SGCD: variants seen among roughly 807,000 people sequenced by gnomAD.
SGCD encodes delta-sarcoglycan.
In SGCD, 18 loss-of-function variants were observed where a neutral mutation model predicts 36.6. That is an observed-to-expected ratio of 0.49 (90% confidence interval 0.34 to 0.73). The LOEUF is 0.73. Ranked by LOEUF, SGCD falls within the 30% of genes least tolerant of loss-of-function variation. The pLI is 0.01. For synonymous variants in SGCD, 133 were observed against 130.6 expected, an observed-to-expected ratio of 1.02 and a Z score of -0.12; for missense variants, 387 against 346.7, an observed-to-expected ratio of 1.12 and a Z score of -0.92.
chr5:156,383,731 C>T (rs1355874938), intron 3 of SGCD, among the ~76,000 whole-genome samples: 2 of 152,120 alleles, frequency 1.3e-5, no homozygotes, highest in Admixed American at 6.6e-5. Flanking sequence ...CCTTGGCTAT[C>T]TCTTCACATT....
intron 1 of SGCD, among the ~76,000 whole-genome samples, chr5:156,002,524 A>G (rs924851420): frequency 4.6e-5 from 7 of 152,192 alleles, no homozygotes; most frequent in Non-Finnish European, 8.8e-5. Flanking sequence ...CACCTCTTAC[A>G]TTCAGTCCCT....
chr5:156,140,088 G>A (rs1035169279), intron 3 of SGCD, among the ~76,000 whole-genome samples: 12 of 152,176 alleles, frequency 7.9e-5, no homozygotes, highest in African/African-American at 2.7e-4. Context: ...TCAGTCTTCA[G>A]AACTGTCAGA....
At chr5:156,038,827 A>C (rs940788907) in intron 1 of SGCD, among the ~76,000 whole-genome samples, 7 of 152,172 alleles carry the variant, frequency 4.6e-5, no homozygotes, top group African/African-American at 1.4e-4. Context: ...CATACCACAC[A>C]TTGAGGCTGT....
At chr5:156,750,393 T>C (rs1035071340) in intron 7 of SGCD, among the ~76,000 whole-genome samples, 3 of 152,080 alleles carry the variant, frequency 2.0e-5, no homozygotes, top group African/African-American at 7.2e-5. Context: ...AGAATTAGTA[T>C]AAGAAATGAC....
the SGCD span, among the ~76,000 whole-genome samples, chr5:155,779,421 G>A: frequency 1.3e-5 from 2 of 152,030 alleles, no homozygotes; most frequent in Non-Finnish European, 2.9e-5. Context: ...CTGGGTGATG[G>A]AGCGATACGC....
intron 1 of SGCD, among the ~76,000 whole-genome samples, chr5:156,047,298 C>T (rs142762197): frequency 1.6e-4 from 25 of 152,204 alleles, no homozygotes; most frequent in African/African-American, 5.8e-4. Context: ...GCAAGATCAT[C>T]GATGAAGGTG....
chr5:155,934,297 C>A (rs920375090), intron 1 of SGCD, among the ~76,000 whole-genome samples: 1 of 152,184 alleles, frequency 6.6e-6, no homozygotes, highest in Admixed American at 6.5e-5. Context: ...TGATGAGCAG[C>A]AAGCCGTGAA....
chr5:155,923,483 A>G (rs938162525), intron 1 of SGCD, among the ~76,000 whole-genome samples: 1 of 152,226 alleles, frequency 6.6e-6, no homozygotes, highest in Non-Finnish European at 1.5e-5. Flanking sequence ...GGAAAATGGC[A>G]AAGATGAACG....
intron 1 of SGCD, among the ~76,000 whole-genome samples, chr5:156,073,474 G>T (rs1044007971): frequency 6.6e-6 from 1 of 152,200 alleles, no homozygotes; most frequent in Non-Finnish European, 1.5e-5. Flanking sequence ...GAGATAGGAA[G>T]ATTGCGTGAG....
the SGCD span, among the ~76,000 whole-genome samples, chr5:155,811,056 A>G: frequency 6.6e-6 from 1 of 151,314 alleles, no homozygotes; most frequent in East Asian, 1.9e-4. Context: ...TGACCTCGTG[A>G]TCCGCCCGCC....
the SGCD span, among the ~76,000 whole-genome samples, chr5:155,820,433 G>T: frequency 1.3e-5 from 2 of 152,052 alleles, no homozygotes; most frequent in Non-Finnish European, 2.9e-5. Context: ...GCCAAGAGGG[G>T]TAAATTGCTC....
the SGCD span, among the ~76,000 whole-genome samples, chr5:155,812,504 C>T: frequency 1.3e-4 from 20 of 152,242 alleles, no homozygotes; most frequent in Non-Finnish European, 2.6e-4. Context: ...CAGGGGGTCT[C>T]CCTACACTTA....
rs562382647 is a variant in SGCD, at chr5:156,073,004, C to T, written c.-281-44874C>T. Among the ~76,000 whole-genome samples the T allele has an allele frequency of 1.2e-4, 18 of 152,250 alleles. No homozygotes were observed. The East Asian group carries it at 3.5e-3, about 29-fold the overall frequency. Reference sequence around the variant, plus strand: ...CATCAGCTCCTTTAAGCACTTCTCTCTATTGGTTATTCTAGTTATACATTC... The same window carrying T: ...CATCAGCTCCTTTAAGCACTTCTCTTTATTGGTTATTCTAGTTATACATTC... On this transcript the variant is annotated intron_variant, in intron 1 of 9. Coordinates refer to the SGCD transcript ENST00000517913.
intron 7 of SGCD, among the ~76,000 whole-genome samples, chr5:156,727,999 CTTACA>C (rs1177987938): frequency 6.6e-6 from 1 of 152,214 alleles, no homozygotes; most frequent in Non-Finnish European, 1.5e-5. Context: ...TTCTAAGTAT[CTTACA>C]TTAAATACCT....
chr5:156,748,756 T>A lies in SGCD; in HGVS notation c.576-8825T>A, dbSNP rs572703341. On this transcript the variant is annotated intron_variant, in intron 7 of 8. Coordinates refer to ENST00000337851, the MANE Select transcript of SGCD (RefSeq NM_000337.6). ...AGAACACATTCTCTTCAGGTAGGCA[T>A]GCAAGATTTATACATACTGAGACAA... Among the ~76,000 whole-genome samples the A allele has an allele frequency of 1.8e-4, 27 of 152,312 alleles. No individual in the cohort carries two copies. The East Asian group carries it at 4.4e-3, about 25-fold the overall frequency.
intron 1 of SGCD, among the ~76,000 whole-genome samples, chr5:155,913,824 GC>G (rs1432710663): frequency 2.6e-5 from 4 of 152,186 alleles, no homozygotes; most frequent in African/African-American, 9.7e-5. Context: ...GAAGAGTTCT[GC>G]ATAGTCTGTG....
intron 1 of SGCD, among the ~76,000 whole-genome samples, chr5:155,910,759 G>A (rs756452782): frequency 8.6e-5 from 13 of 152,028 alleles, no homozygotes; most frequent in Admixed American, 2.0e-4. Flanking sequence ...AAGATAAAAT[G>A]AATCATGTAC....
At chr5:155,728,861 A>G in the SGCD span, among the ~76,000 whole-genome samples, 1 of 152,198 alleles carries the variant, frequency 6.6e-6, no homozygotes, top group Non-Finnish European at 1.5e-5. Context: ...GACTGCCCTC[A>G]GCTGCCCGGC....
intron 7 of SGCD, among the ~76,000 whole-genome samples, chr5:156,683,636 A>G (rs898818905): frequency 6.6e-6 from 1 of 152,240 alleles, no homozygotes; most frequent in African/African-American, 2.4e-5. Context: ...TGACAAAGCC[A>G]GCAGTTACAA....
Sources: allele counts gnomAD v4.1 joint callset (sites outside exome capture counted in the v4.1 genomes callset), GRCh38; gene constraint gnomAD v4.1.1; transcripts MANE v1.5; gene names NCBI Gene and HGNC (gene_info 2026-07-23, HGNC 2026-07-21).